Variants in CNTN5 observed in about 807,000 individuals in gnomAD.
The protein encoded by CNTN5 is contactin-5.
A neutral mutation model predicts 129.1 loss-of-function variants in CNTN5; 77 were observed. The observed-to-expected ratio is 0.60, with a 90% CI of 0.50 to 0.72. CNTN5 has a LOEUF of 0.72. Among genes scored for constraint, CNTN5 ranks in the 30% least tolerant of loss-of-function variants. CNTN5 has a pLI of 0.00. For synonymous variants in CNTN5, 509 were observed against 465.6 expected, an observed-to-expected ratio of 1.09 and a Z score of -1.20; for missense variants, 1,478 against 1,328.8, an observed-to-expected ratio of 1.11 and a Z score of -1.75.
chr11:99,242,571 A>G (rs1370931159), intron 1 of CNTN5, among the ~76,000 whole-genome samples: 3 of 151,966 alleles, frequency 2.0e-5, no homozygotes, highest in African/African-American at 7.2e-5. Context: ...TTGAGATACA[A>G]AAGATTCTGT....
chr11:99,266,244 ATC>A (rs1369015451), intron 1 of CNTN5, among the ~76,000 whole-genome samples: 4 of 152,120 alleles, frequency 2.6e-5, no homozygotes, highest in African/African-American at 9.7e-5. Flanking sequence ...GCATTATAAC[ATC>A]TGTTTACTTA....
At chr11:99,504,379 A>G (rs1946537772) in intron 2 of CNTN5, among the ~76,000 whole-genome samples, 1 of 151,996 alleles carries the variant, frequency 6.6e-6, no homozygotes, top group East Asian at 1.9e-4. Flanking sequence ...CGTCTCTACT[A>G]AAGTACAAAA....
intron 2 of CNTN5, among the ~76,000 whole-genome samples, chr11:99,353,259 T>C (rs1938423352): frequency 6.6e-6 from 1 of 152,232 alleles, no homozygotes; most frequent in African/African-American, 2.4e-5. Context: ...CCCACGTTTT[T>C]ATAAAGTATT....
At chr11:100,143,010 T>G (rs901865725) in intron 13 of CNTN5, among the ~76,000 whole-genome samples, 2 of 152,160 alleles carry the variant, frequency 1.3e-5, no homozygotes, top group Non-Finnish European at 2.9e-5. Flanking sequence ...GTATGAAACA[T>G]AAATGAATTT....
At chr11:99,466,117 C>T (rs1021073670) in intron 2 of CNTN5, among the ~76,000 whole-genome samples, 4 of 152,062 alleles carry the variant, frequency 2.6e-5, no homozygotes, top group African/African-American at 9.7e-5. Context: ...CTCCTGACCT[C>T]GTGATCCACC....
In CNTN5 at chr11:100,110,395, A is replaced by G. The variant is rs143132649; in HGVS notation, c.1580+36101A>G. 2.6e-5 allele frequency among the ~76,000 whole-genome samples: 4 copies of G among 152,174 alleles called. No homozygotes were observed. In the East Asian group the frequency reaches 5.8e-4, roughly 22 times the overall value. ...AGGGCAATTATAAGAAATTCTATCC[A>G]AGTTGATATTTTCCAATAATATAGG... is the stretch of plus-strand genomic sequence containing the variant. On this transcript the variant is annotated intron_variant, in intron 13 of 24. Transcript: ENST00000524871.
rs147496779 is a variant in CNTN5, at chr11:100,242,475, C to T, written c.2006-13285C>T. 3.0e-3 allele frequency among the ~76,000 whole-genome samples: 463 copies of T among 152,246 alleles called. 3 individuals are homozygous for T. The highest frequency in any genetic ancestry group is 4.3e-3 in the Non-Finnish European group (294 of 68,040). Reference sequence around the variant, plus strand: ...AAGTGGTTTAATTGGCTCACAGTTCCACAGGCTGTACAGGAAGTATGGCTG... The same window carrying T: ...AAGTGGTTTAATTGGCTCACAGTTCTACAGGCTGTACAGGAAGTATGGCTG... On this transcript the variant is annotated intron_variant, in intron 16 of 24. Transcript: ENST00000524871.
At chr11:100,191,740 A>G (rs1055614739) in intron 14 of CNTN5, among the ~76,000 whole-genome samples, 3 of 152,016 alleles carry the variant, frequency 2.0e-5, no homozygotes, top group Admixed American at 2.0e-4. Flanking sequence ...GTCTGTATCA[A>G]TGAAATTTTT....
intron 13 of CNTN5, among the ~76,000 whole-genome samples, chr11:100,117,452 G>C (rs78502031): frequency 0.018 from 2,690 of 152,068 alleles, 81 homozygotes; most frequent in African/African-American, 0.061. Flanking sequence ...CAAAATCTAT[G>C]AAGTTTCCTG....
At chr11:100,023,248 A>G (rs912930616) in intron 9 of CNTN5, among the ~76,000 whole-genome samples, 3 of 152,156 alleles carry the variant, frequency 2.0e-5, no homozygotes, top group African/African-American at 7.2e-5. Context: ...CCTCAAATTT[A>G]CTAATTTTCT....
At chr11:99,989,608 G>C (rs1421473932) in intron 8 of CNTN5, among the ~76,000 whole-genome samples, 1 of 151,700 alleles carries the variant, frequency 6.6e-6, no homozygotes, top group Non-Finnish European at 1.5e-5. Context: ...TAAAATATTT[G>C]TTTCTGATTA....
intron 3 of CNTN5, among the ~76,000 whole-genome samples, chr11:99,666,201 C>T (rs1952786341): frequency 6.6e-6 from 1 of 152,142 alleles, no homozygotes; most frequent in South Asian, 2.1e-4. Context: ...CTCCTGACCT[C>T]AGGTGATCCG....
intron 1 of CNTN5, among the ~76,000 whole-genome samples, chr11:99,209,258 T>C (rs1211072606): frequency 2.0e-5 from 3 of 152,102 alleles, no homozygotes; most frequent in African/African-American, 7.2e-5. Flanking sequence ...TCTGAAGTAA[T>C]ATCTGTGACC....
chr11:99,974,151 A>G (rs1249766080), intron 8 of CNTN5, among the ~76,000 whole-genome samples: 3 of 152,172 alleles, frequency 2.0e-5, no homozygotes, highest in Admixed American at 2.0e-4. Flanking sequence ...CATTTCATAC[A>G]TTCTTTCATT....
At chr11:99,227,432 G>T (rs564376060) in intron 1 of CNTN5, among the ~76,000 whole-genome samples, 1 of 151,510 alleles carries the variant, frequency 6.6e-6, no homozygotes, top group Non-Finnish European at 1.5e-5. Context: ...TCAATTTATC[G>T]TGTAGAGGAA....
chr11:100,262,984 A>G lies in CNTN5; in HGVS notation c.2164+7066A>G, dbSNP rs142737425. Among the ~76,000 whole-genome samples the G allele has an allele frequency of 5.6e-3, 857 of 152,270 alleles. 3 individuals carry two copies. The highest frequency in any genetic ancestry group is 0.031 in the Middle Eastern group (9 of 294). ...TAAAATTACACTGCACAGCATTTTA[A>G]TGCCTACTTCCAAGATGTTTGCATT... On this transcript the variant is annotated intron_variant, in intron 17 of 24. Coordinates refer to ENST00000524871, the MANE Select transcript of CNTN5 (RefSeq NM_014361.4).
At chr11:99,924,620 T>G (rs1028719063) in intron 7 of CNTN5, among the ~76,000 whole-genome samples, 1 of 152,176 alleles carries the variant, frequency 6.6e-6, no homozygotes, top group African/African-American at 2.4e-5. Context: ...CTATACTGTT[T>G]TGGTTACTGT....
At chr11:99,591,428 C>T (rs1949976560) in intron 3 of CNTN5, among the ~76,000 whole-genome samples, 1 of 149,944 alleles carries the variant, frequency 6.7e-6, no homozygotes, top group African/African-American at 2.5e-5. Context: ...ACCTCTGCCT[C>T]CTGGGTTCGA....
At chr11:100,205,966 G>A (rs1049420636) in intron 15 of CNTN5, among the ~76,000 whole-genome samples, 5 of 152,058 alleles carry the variant, frequency 3.3e-5, no homozygotes, top group Non-Finnish European at 7.4e-5. Context: ...CTATTCAGGA[G>A]CTGAGGATTC....
Sources: allele counts gnomAD v4.1 joint callset (sites outside exome capture counted in the v4.1 genomes callset), GRCh38; gene constraint gnomAD v4.1.1; transcripts MANE v1.5; gene names NCBI Gene and HGNC (gene_info 2026-07-23, HGNC 2026-07-21).